The following AMZ1 variants were observed in gnomAD, a reference collection of about 807,000 sequenced individuals.
The protein encoded by AMZ1 is archaelysin family metallopeptidase 1.
Under a neutral mutation model 29.9 loss-of-function variants are expected in AMZ1, and 39 were observed. The ratio of observed to expected loss-of-function variants is 1.30; its 90% CI spans 1.01 to 1.70. The LOEUF (loss-of-function observed/expected upper bound fraction) is 1.70, where lower values mean the gene tolerates loss of function less well. AMZ1 is among the 40% of genes most tolerant of loss of function. The probability of loss-of-function intolerance (pLI) is 0.00; values close to 1 mark genes in which losing one functional copy is unlikely to be tolerated. For missense variants in AMZ1, 1,041 were observed against 680.6 expected, an observed-to-expected ratio of 1.53 and a Z score of -5.89; for synonymous variants, 458 against 304.0, an observed-to-expected ratio of 1.51 and a Z score of -5.27.
chr7:2,755,107 G>A (rs900338359), intron 4 of AMZ1, among the ~76,000 whole-genome samples: 2 of 152,168 alleles, frequency 1.3e-5, no homozygotes, highest in African/African-American at 4.8e-5. Flanking sequence ...GCGATCCACG[G>A]GTCTGTCCAG....
At position 2,712,323 on chromosome 7, in the gene AMZ1, CT is replaced by C; in HGVS notation, c.949-6del. 1.3e-6 allele frequency: 2 copies of C among 1,560,652 alleles called. No homozygotes were observed. The highest frequency in any genetic ancestry group is 1.7e-6 in the Non-Finnish European group (2 of 1,152,716). On this transcript the variant is annotated splice_region_variant and splice_polypyrimidine_tract_variant and intron_variant, in intron 6 of 6. Coordinates refer to ENST00000683327, the MANE Select transcript of AMZ1 (RefSeq NM_001384743.1). ...GAGCAAACTCAGCCTGTGTTTCTCC[CT>C]CTTAGAGACTCTACACCTGGACTCA...
chr7:2,699,395 C>A (rs78721875), intron 1 of AMZ1, among the ~76,000 whole-genome samples: 19,440 of 152,236 alleles, frequency 0.13, 1,417 homozygotes, highest in East Asian at 0.24. Flanking sequence ...TTGAAATCCG[C>A]TGTTGCTTCT....
rs748726279 is a variant in AMZ1 at position 2,731,676 on chromosome 7, A to G, written n.550+21860A>G. ...CCATCTTAAAGGGGATCTTCTTAAT[A>G]ACGAAGTCATGCTCCACAATTCCCT... On this transcript the variant is annotated intron_variant and non_coding_transcript_variant, in intron 4 of 4. Transcript: ENST00000489665. This position sits in a 1 kb window ranked among gnomAD's most constrained non-coding sequence, Gnocchi z 6.0. 5 of 1,609,322 alleles carry G rather than the reference A, an allele frequency of 3.1e-6. No homozygotes were observed. Among genetic ancestry groups the G allele is most frequent in the East Asian group, 4.5e-5 (2 of 44,816 alleles).
At position 2,716,210 on chromosome 7, in the gene AMZ1, G is replaced by C. The variant is rs1244712425; in HGVS notation, c.*3332G>C. On this transcript the variant is annotated 3_prime_UTR_variant, in exon 7 of 7. Transcript: ENST00000683327. ...GTCACAGCCATGCTATGATGAAGGGGTGAGAAGCAGTGTCCCCTCTGAGGC... is the reference window on the plus strand; with the variant it reads ...GTCACAGCCATGCTATGATGAAGGGCTGAGAAGCAGTGTCCCCTCTGAGGC... 6.6e-6 allele frequency: 1 copy of C among 152,280 alleles called. No individual in the cohort carries two copies. Among genetic ancestry groups the C allele is most frequent in the Non-Finnish European group, 1.5e-5 (1 of 68,074 alleles). 9.4% of individuals were successfully genotyped at this position (152,280 alleles called of 1,614,324 possible). A position where few individuals can be genotyped will look rare whatever the true frequency, so the allele number is the denominator to read the frequency against.
intron 4 of AMZ1, among the ~76,000 whole-genome samples, chr7:2,759,175 AT>A (rs1562411281): frequency 4.0e-5 from 6 of 149,220 alleles, no homozygotes; most frequent in African/African-American, 1.5e-4. Flanking sequence ...AAATAAATAA[AT>A]AAATAAATAA....
chr7:2,749,126 A>G (rs1398878966), intron 4 of AMZ1, among the ~76,000 whole-genome samples: 1 of 152,222 alleles, frequency 6.6e-6, no homozygotes, highest in Admixed American at 6.5e-5. Flanking sequence ...ATCTAGAACT[A>G]GAAATACCAT....
chr7:2,750,452 C>A (rs1423705451), intron 4 of AMZ1, among the ~76,000 whole-genome samples: 2 of 152,226 alleles, frequency 1.3e-5, no homozygotes, highest in African/African-American at 4.8e-5. Flanking sequence ...ATGCCTGAAG[C>A]CTTGAATAAT....
intron 3 of AMZ1, 43 bp from the exon 4 acceptor site, chr7:2,708,545 C>G (rs763232228): frequency 1.2e-6 from 2 of 1,607,164 alleles, no homozygotes; most frequent in Non-Finnish European, 1.7e-6. Flanking sequence ...GATGGGGGTC[C>G]CCGGCTGCCT....
chr7:2,733,110 G>C (rs571159722), intron 4 of AMZ1, among the ~76,000 whole-genome samples: 1 of 152,280 alleles, frequency 6.6e-6, no homozygotes, highest in African/African-American at 2.4e-5. Context: ...AACAAGACTG[G>C]TAATCAGTGA....
intron 4 of AMZ1, among the ~76,000 whole-genome samples, chr7:2,743,622 C>T (rs776794439): frequency 9.2e-5 from 14 of 152,216 alleles, no homozygotes; most frequent in South Asian, 6.2e-4. Context: ...ATGCAGAAGA[C>T]GGGTGATTTC....
upstream of AMZ1, among the ~76,000 whole-genome samples, chr7:2,687,809 C>T (rs912867128): frequency 2.0e-5 from 3 of 151,978 alleles, no homozygotes; most frequent in East Asian, 5.8e-4. Flanking sequence ...TCACCTGGGG[C>T]CTCTCCTGGT....
chr7:2,686,361 C>G (rs903815864), upstream of AMZ1, among the ~76,000 whole-genome samples: 20 of 152,106 alleles, frequency 1.3e-4, no homozygotes, highest in African/African-American at 4.8e-4. Flanking sequence ...AGCGAGATCC[C>G]ATCTCTACAT....
chr7:2,739,361 T>G (rs1024812497), intron 4 of AMZ1, among the ~76,000 whole-genome samples: 1 of 152,168 alleles, frequency 6.6e-6, no homozygotes, highest in African/African-American at 2.4e-5. Flanking sequence ...GGATCTCTCA[T>G]TGGAGCGCAT....
intron 1 of AMZ1, among the ~76,000 whole-genome samples, chr7:2,692,942 G>T (rs979000273): frequency 6.6e-6 from 1 of 152,170 alleles, no homozygotes; most frequent in African/African-American, 2.4e-5. Context: ...CTGCGGGCCT[G>T]TGTACACCCA....
In AMZ1 at chr7:2,736,414, C is replaced by T. The variant is rs144157776; in HGVS notation, n.550+26598C>T. Among the ~76,000 whole-genome samples the T allele has an allele frequency of 1.7e-3, 249 of 150,662 alleles. 2 individuals carry two copies. The highest frequency in any genetic ancestry group is 0.01 in the Middle Eastern group (3 of 288). On this transcript the variant is annotated intron_variant and non_coding_transcript_variant, in intron 4 of 4. Transcript: ENST00000489665. ...ATTTCATTAGGCTGGGGCCAGCGGCCACTGAGCACACACCTGACAGGGGCC... is the reference window on the plus strand; with the variant it reads ...ATTTCATTAGGCTGGGGCCAGCGGCTACTGAGCACACACCTGACAGGGGCC...
At chr7:2,751,729 A>G (rs1358334199) in intron 4 of AMZ1, among the ~76,000 whole-genome samples, 1 of 152,234 alleles carries the variant, frequency 6.6e-6, no homozygotes, top group Non-Finnish European at 1.5e-5. Flanking sequence ...GAATGTTCCA[A>G]ACAACTTTAT....
At chr7:2,689,004 G>A (rs751689117) in intron 1 of AMZ1, among the ~76,000 whole-genome samples, 1 of 152,234 alleles carries the variant, frequency 6.6e-6, no homozygotes, top group Non-Finnish European at 1.5e-5. Context: ...TGAGGAGAGA[G>A]AACAGGAAGC....
At chr7:2,736,932 A>G (rs1318026933) in intron 4 of AMZ1, among the ~76,000 whole-genome samples, 1 of 152,206 alleles carries the variant, frequency 6.6e-6, no homozygotes, top group Non-Finnish European at 1.5e-5. Context: ...GCACAGGACC[A>G]GACCCTCGAG....
At position 2,733,431 on chromosome 7, in the gene AMZ1, G is replaced by A. The variant is rs186581134; in HGVS notation, n.550+23615G>A. 268 of 1,610,006 alleles carry A rather than the reference G, an allele frequency of 1.7e-4. 2 individuals carry two copies. In the East Asian group the frequency reaches 4.9e-3, roughly 30 times the overall value. On this transcript the variant is annotated intron_variant and non_coding_transcript_variant, in intron 4 of 4. Transcript: ENST00000489665. ...TCTAACCCTGGAGCCCAGCTTCTTC[G>A]GGCGGGCGTGCTTACTCACCAGCTG...
Sources: allele counts gnomAD v4.1 joint callset (sites outside exome capture counted in the v4.1 genomes callset), GRCh38; gene constraint gnomAD v4.1.1; non-coding constraint Gnocchi (gnomAD v3.1); transcripts MANE v1.5; gene names NCBI Gene and HGNC (gene_info 2026-07-23, HGNC 2026-07-21).